MVB12A: variants seen among roughly 807,000 people sequenced by gnomAD.
MVB12A encodes the protein CIN85/CD2AP family binding protein.
A neutral mutation model predicts 34.3 loss-of-function variants in MVB12A; 30 were observed. The observed-to-expected ratio is 0.88, with a 90% CI of 0.65 to 1.19. The LOEUF (loss-of-function observed/expected upper bound fraction) is 1.19. Ranked by LOEUF, MVB12A falls within the 50% of genes most tolerant of loss-of-function variation. The pLI, the probability that MVB12A is intolerant of heterozygous loss-of-function variation, is 0.00. For missense variants in MVB12A, 355 were observed against 369.2 expected (o/e 0.96, Z 0.31); for synonymous variants, 158 against 158.9 (o/e 0.99, Z 0.04).
upstream of MVB12A, among the ~76,000 whole-genome samples, chr19:17,416,781 C>G (rs938814975): frequency 2.0e-5 from 3 of 150,348 alleles, no homozygotes; most frequent in Admixed American, 2.0e-4. Flanking sequence ...CTCACTGCAA[C>G]TTCCGCCTTC....
Position 17,410,529 on chromosome 19 carries a change from T to TACACACACACACACACACACACAC in MVB12A, c.-5+4244_-5+4245insCACACACACACACACACACACACA, listed in dbSNP as rs1185077317. On this transcript the variant is annotated intron_variant, in intron 2 of 6. Transcript: ENST00000528604. ...ATATATATATATATATATATATATA[T>TACACACACACACACACACACACAC]ACACACACACATATATATATACACA... is the stretch of plus-strand genomic sequence containing the variant. Among the ~76,000 whole-genome samples, 200 of 73,978 alleles carry TACACACACACACACACACACACAC rather than the reference T, an allele frequency of 2.7e-3. 2 individuals carry two copies. The highest frequency in any genetic ancestry group is 3.9e-3 in the South Asian group (7 of 1,794). 48.5% of individuals were successfully genotyped at this position (73,978 alleles called of 152,430 possible).
chr19:17,409,697 C>T (rs1185083662), intron 2 of MVB12A, among the ~76,000 whole-genome samples: 3 of 150,776 alleles, frequency 2.0e-5, no homozygotes, highest in Non-Finnish European at 3.0e-5. Context: ...GTGATCTGCC[C>T]GCCTCGGCCT....
chr19:17,407,702 C>T (rs893481336), intron 2 of MVB12A, among the ~76,000 whole-genome samples: 1 of 152,210 alleles, frequency 6.6e-6, no homozygotes, highest in Non-Finnish European at 1.5e-5. Flanking sequence ...TGAAGCACAG[C>T]ATCACAGGGA....
chr19:17,407,422 G>T (rs1244406843), intron 2 of MVB12A, among the ~76,000 whole-genome samples: 1 of 152,146 alleles, frequency 6.6e-6, no homozygotes, highest in African/African-American at 2.4e-5. Context: ...TTATTTATTG[G>T]ATACAAAGCA....
At chr19:17,410,656 G>A (rs1444073452) in intron 2 of MVB12A, among the ~76,000 whole-genome samples, 3 of 145,694 alleles carry the variant, frequency 2.1e-5, no homozygotes, top group Admixed American at 6.9e-5. Context: ...TCAGTTGGGA[G>A]CAGTGGTTCA....
chr19:17,425,023 T>G lies in MVB12A; in HGVS notation c.*30T>G. 1 of 1,404,054 alleles carries G rather than the reference T, an allele frequency of 7.1e-7. No homozygotes were observed. Among genetic ancestry groups the G allele is most frequent in the Non-Finnish European group, 9.9e-7 (1 of 1,008,298 alleles). 87.0% of individuals were successfully genotyped at this position (1,404,054 alleles called of 1,614,324 possible). ...TCACCCTTCCGCGGAAAGAGCCCCCTTACTCCACCTCCCCGCCAGCCTGGG... is the reference window on the plus strand; with the variant it reads ...TCACCCTTCCGCGGAAAGAGCCCCCGTACTCCACCTCCCCGCCAGCCTGGG... On this transcript the variant is annotated 3_prime_UTR_variant, in exon 9 of 9. Coordinates refer to ENST00000317040, the MANE Select transcript of MVB12A (RefSeq NM_138401.4).
At chr19:17,422,262 T>A in intron 3 of MVB12A, 70 bp from the exon 4 acceptor site, 1 of 1,516,152 alleles carries the variant, frequency 6.6e-7, no homozygotes, top group Non-Finnish European at 9.0e-7. Context: ...AGCCTCATCC[T>A]AGAGTCATCT....
chr19:17,412,117 A>C (rs572479034), intron 2 of MVB12A, among the ~76,000 whole-genome samples: 1 of 152,210 alleles, frequency 6.6e-6, no homozygotes, highest in South Asian at 2.1e-4. Context: ...TCAAGCCCCA[A>C]GTGTCAGAGG....
chr19:17,414,349 C>G (rs2074786688), intron 2 of MVB12A: 1 of 152,224 alleles, frequency 6.6e-6, no homozygotes, highest in African/African-American at 2.4e-5. Context: ...GAGTGGCACT[C>G]CTCTCTCACA....
chr19:17,424,316 T>C (rs903108233), intron 7 of MVB12A, among the ~76,000 whole-genome samples: 36 of 152,046 alleles, frequency 2.4e-4, no homozygotes, highest in African/African-American at 8.7e-4. Flanking sequence ...GCATGGTGGC[T>C]CACGACTGTG....
intron 2 of MVB12A, among the ~76,000 whole-genome samples, chr19:17,411,805 A>C (rs1354360520): frequency 1.3e-5 from 2 of 152,088 alleles, no homozygotes; most frequent in African/African-American, 4.8e-5. Context: ...TAAGAAAAAA[A>C]AAATAGGAGC....
upstream of MVB12A, chr19:17,417,003 T>A: frequency 3.2e-6 from 1 of 313,932 alleles, no homozygotes; most frequent in Non-Finnish European, 6.3e-6. Flanking sequence ...TAGAAAGTTT[T>A]TCTCATCCAT....
At chr19:17,409,441 CTTT>C (rs781196057) in intron 2 of MVB12A, among the ~76,000 whole-genome samples, 2,253 of 78,168 alleles carry the variant, frequency 0.029, 80 homozygotes, top group African/African-American at 0.11. Context: ...TCTGCCATTA[CTTT>C]TTTTTTTTTT....
At chr19:17,420,020 C>CT (rs5827377), upstream of MVB12A, 3 of 362,926 alleles carry the variant, frequency 8.3e-6, 1 homozygote, top group African/African-American at 7.1e-5. Context: ...TCTCCGCCCC[C>CT]CCCCCCCGCA....
intron 5 of MVB12A, 36 bp downstream of exon 5, chr19:17,423,653 G>C (rs2074852307): frequency 6.2e-7 from 1 of 1,613,188 alleles, no homozygotes; most frequent in Non-Finnish European, 8.5e-7. Flanking sequence ...GGTGGCCGTT[G>C]TGGGAGGATG....
intron 2 of MVB12A, among the ~76,000 whole-genome samples, chr19:17,409,899 C>T (rs1371790496): frequency 1.3e-5 from 2 of 151,950 alleles, no homozygotes; most frequent in East Asian, 3.9e-4. Context: ...GCTGGGATTA[C>T]AGGTACCCGC....
intron 2 of MVB12A, chr19:17,414,674 G>C (rs940130614): frequency 2.0e-5 from 3 of 152,208 alleles, no homozygotes; most frequent in African/African-American, 7.2e-5. Flanking sequence ...TTCAAGACCA[G>C]CCTGGCCAAC....
At chr19:17,408,789 A>G (rs2074744736) in intron 2 of MVB12A, among the ~76,000 whole-genome samples, 2 of 143,998 alleles carry the variant, frequency 1.4e-5, no homozygotes, top group African/African-American at 5.1e-5. Flanking sequence ...GTATTTTTAT[A>G]TATTGGTTGG....
chr19:17,424,314 GCTCACGACTGTGATCCCA>G, intron 7 of MVB12A, among the ~76,000 whole-genome samples: 1 of 152,086 alleles, frequency 6.6e-6, no homozygotes, highest in South Asian at 2.1e-4. Flanking sequence ...GGGCATGGTG[GCTCACGACTGTGATCCCA>G]GCACTTTGGG....
Sources: gnomAD v4.1 joint callset for allele counts (sites outside exome capture counted in the v4.1 genomes callset) on GRCh38, gnomAD v4.1.1 for gene constraint, MANE v1.5 for transcripts, NCBI Gene and HGNC (gene_info 2026-07-23, HGNC 2026-07-21) for gene names.